The following TLR3 variants were observed in gnomAD, a reference collection of about 807,000 sequenced individuals.
TLR3 encodes the protein toll-like receptor 3.
TLR3 carries 43 observed loss-of-function variants against 66.4 expected under a neutral mutation model. The ratio of observed to expected loss-of-function variants is 0.65; its 90% CI spans 0.51 to 0.83. The LOEUF (loss-of-function observed/expected upper bound fraction) is 0.83. TLR3 is among the 40% of genes least tolerant of loss of function. The pLI, the probability that TLR3 is intolerant of heterozygous loss-of-function variation, is 0.00. For synonymous variants in TLR3, 397 were observed against 397.2 expected, an observed-to-expected ratio of 1.00 and a Z score of 0.01; for missense variants, 982 against 1,044.6, an observed-to-expected ratio of 0.94 and a Z score of 0.83.
chr4:186,081,235 C>A (rs982140709), intron 3 of TLR3, among the ~76,000 whole-genome samples: 2 of 150,428 alleles, frequency 1.3e-5, no homozygotes, highest in Non-Finnish European at 3.0e-5. Flanking sequence ...CACCACTGCA[C>A]TCCACCCTGG....
chr4:186,076,579 G>A (rs771853098), intron 1 of TLR3, 34 bp from the exon 2 acceptor site: 1 of 1,601,612 alleles, frequency 6.2e-7, no homozygotes, highest in East Asian at 2.2e-5. Context: ...TGCTATTAAT[G>A]TTGCTCATAC....
chr4:186,071,789 C>G (rs2099301513), intron 1 of TLR3, among the ~76,000 whole-genome samples: 1 of 152,062 alleles, frequency 6.6e-6, no homozygotes, highest in Non-Finnish European at 1.5e-5. Context: ...TTCTGTTTTC[C>G]TAGGATTAGT....
chr4:186,069,482 A>G (rs1262178602), intron 1 of TLR3, among the ~76,000 whole-genome samples: 3 of 152,214 alleles, frequency 2.0e-5, no homozygotes, highest in Non-Finnish European at 4.4e-5. Flanking sequence ...AGTTAATGTG[A>G]TAATGTATTT....
intron 3 of TLR3, among the ~76,000 whole-genome samples, chr4:186,079,914 A>G (rs59725961): frequency 0.075 from 11,478 of 152,248 alleles, 1,015 homozygotes; most frequent in African/African-American, 0.21. Context: ...TTTGAGCTGC[A>G]CTGACAGCGC....
chr4:186,070,369 TATTTTATTTC>T (rs201954120), intron 1 of TLR3, among the ~76,000 whole-genome samples: 2,824 of 152,308 alleles, frequency 0.019, 50 homozygotes, highest in South Asian at 0.073. Context: ...TATTTTATTT[TATTTTATTTC>T]ATTTTATTTC....
At chr4:186,072,809 G>A (rs866274187) in intron 1 of TLR3, among the ~76,000 whole-genome samples, 1 of 152,088 alleles carries the variant, frequency 6.6e-6, no homozygotes, top group South Asian at 2.1e-4. Context: ...AAACCATATC[G>A]GCTATGTATT....
Position 186,083,779 on chromosome 4 carries a change from A to G in TLR3, c.2093A>G (p.Asp698Gly). ...VRLFDTSSCKDSAPFELFFMI... is the reference protein window; with the variant it reads ...VRLFDTSSCKGSAPFELFFMI... Reference sequence around the variant, plus strand: ...CTTTTTGATACATCATCTTGCAAAGACAGTGCCCCCTTTGAACTCTTTTTC... The same window carrying G: ...CTTTTTGATACATCATCTTGCAAAGGCAGTGCCCCCTTTGAACTCTTTTTC... Residue 698 changes from aspartate to glycine, a missense_variant, in exon 4 of 5, where the codon GAC becomes GGC. Asp to Gly is a moderately conservative substitution (Grantham distance 94). This residue lies in a region of TLR3 where 666 missense variants were observed against 709.0 expected (regional missense o/e 0.94). Coordinates refer to ENST00000296795, the MANE Select transcript of TLR3 (RefSeq NM_003265.3). This position sits in a 1 kb window ranked among gnomAD's most constrained non-coding sequence, Gnocchi z 4.0. 1 of 1,614,060 alleles carries G rather than the reference A, an allele frequency of 6.2e-7. No homozygotes were observed. The highest frequency in any genetic ancestry group is 8.5e-7 in the Non-Finnish European group (1 of 1,180,006).
intron 1 of TLR3, among the ~76,000 whole-genome samples, chr4:186,069,942 A>G (rs1029730874): frequency 6.6e-6 from 1 of 152,226 alleles, no homozygotes; most frequent in African/African-American, 2.4e-5. Flanking sequence ...GTGCCTGTGT[A>G]TGAACCTACT....
Position 186,086,183 on chromosome 4 carries a change from T to C in TLR3, c.*1310T>C, listed in dbSNP as rs2099304331. 1 of 152,216 alleles carries C rather than the reference T, an allele frequency of 6.6e-6. No individual in the cohort carries two copies. The highest frequency in any genetic ancestry group is 1.5e-5 in the Non-Finnish European group (1 of 68,040). 9.4% of individuals were successfully genotyped at this position (152,216 alleles called of 1,614,324 possible). A position where few individuals can be genotyped will look rare whatever the true frequency, so the allele number is the denominator to read the frequency against. ...CCCGCCTTTTTATTTTGTTTTACAA[T>C]ACAACAAAAAATTTTTAGTTTTACA... On this transcript the variant is annotated 3_prime_UTR_variant, in exon 5 of 5. Coordinates refer to ENST00000296795, the MANE Select transcript of TLR3 (RefSeq NM_003265.3).
chr4:186,077,567 C>G (rs983101271), intron 2 of TLR3, among the ~76,000 whole-genome samples: 1 of 152,024 alleles, frequency 6.6e-6, no homozygotes, highest in Non-Finnish European at 1.5e-5. Context: ...ATTCCTTTTT[C>G]TTTTCAAAAC....
Position 186,076,748 on chromosome 4 carries a change from T to C in TLR3, c.129T>C (p.Thr43=). ...CTGACTGCAGCCACCTGAAGTTGAC[T>C]CAGGTACCCGATGATCTACCCACAA... ...EVADCSHLKL[T]QVPDDLPTNI... The change falls in exon 2 of 5, where the codon ACT becomes ACC. Residue 43 remains threonine (T), a synonymous_variant. Coordinates refer to ENST00000296795, the MANE Select transcript of TLR3 (RefSeq NM_003265.3). 6.2e-7 allele frequency: 1 copy of C among 1,614,064 alleles called. No homozygotes were observed. The highest frequency in any genetic ancestry group is 8.5e-7 in the Non-Finnish European group (1 of 1,180,008).
intron 1 of TLR3, among the ~76,000 whole-genome samples, 187 bp downstream of exon 1, chr4:186,069,435 G>T (rs970958273): frequency 6.6e-6 from 1 of 151,998 alleles, no homozygotes; most frequent in East Asian, 1.9e-4. Flanking sequence ...ATGGGAGAAG[G>T]GTATAACTCA....
At position 186,083,539 on chromosome 4, in the gene TLR3, A is replaced by G; in HGVS notation, c.1853A>G (p.Gln618Arg). The change falls in exon 4 of 5, where the codon CAG becomes CGG. Residue 618 changes from glutamine (Q) to arginine (R), a missense_variant. This residue lies in a region of TLR3 where 666 missense variants were observed against 709.0 expected (regional missense o/e 0.94). Transcript: ENST00000296795. The surrounding 1 kb of genome is among the most constrained non-coding windows in gnomAD (Gnocchi z 4.0). ...NQVSLKSLNL[Q>R]KNLITSVEKK... is the part of the protein sequence containing the mutation. ...GTGTCTCTAAAGTCATTGAACCTTC[A>G]GAAGAATCTCATAACATCCGTTGAG... The G allele has an allele frequency of 1.2e-6, 2 of 1,612,232 alleles. No homozygotes were observed. Among genetic ancestry groups the G allele is most frequent in the South Asian group, 1.1e-5 (1 of 90,502 alleles).
At chr4:186,079,931 T>G (rs2099303144) in intron 3 of TLR3, among the ~76,000 whole-genome samples, 1 of 152,222 alleles carries the variant, frequency 6.6e-6, no homozygotes, top group Non-Finnish European at 1.5e-5. Flanking sequence ...GCGCCCAGGT[T>G]GCAGTGGGCT....
Position 186,082,642 on chromosome 4 carries a change from A to C in TLR3, c.956A>C (p.His319Pro). ...CAGCATTTGTTTTCTCACTCTTTGCACGGGCTTTTCAATGTGAGGTACCTG... is the reference window on the plus strand; with the variant it reads ...CAGCATTTGTTTTCTCACTCTTTGCCCGGGCTTTTCAATGTGAGGTACCTG... ...NIQHLFSHSLHGLFNVRYLNL... is the reference protein window; with the variant it reads ...NIQHLFSHSLPGLFNVRYLNL... The change falls in exon 4 of 5, where the codon CAC becomes CCC. Residue 319 changes from histidine to proline, a missense_variant. By Grantham distance (77) the His-to-Pro change is moderately conservative. Around this residue, in one of 3 missense-constraint regions of TLR3, gnomAD observed 666 missense variants for 709.0 expected, o/e 0.94. Transcript: ENST00000296795. 6.2e-7 allele frequency: 1 copy of C among 1,614,010 alleles called. No individual in the cohort carries two copies. Among genetic ancestry groups the C allele is most frequent in the Non-Finnish European group, 8.5e-7 (1 of 1,179,938 alleles).
chr4:186,084,221 A>AT, intron 4 of TLR3, 49 bp downstream of exon 4: 4 of 1,481,320 alleles, frequency 2.7e-6, no homozygotes, highest in Admixed American at 1.9e-5. Context: ...TTTCAATTAA[A>AT]TTTCTTTTTT....
rs761227356 is a variant in TLR3, at chr4:186,084,048, C to T, written c.2362C>T (p.Leu788=). 2.5e-6 allele frequency: 4 copies of T among 1,613,986 alleles called. No homozygotes were observed. The highest frequency in any genetic ancestry group is 3.4e-6 in the Non-Finnish European group (4 of 1,180,036). The change falls in exon 4 of 5, where the codon CTG becomes TTG. Residue 788 remains leucine, a synonymous_variant. Transcript: ENST00000296795. ...GGAAGACCAATCTCTCAAATTTTGT[C>T]TGGAAGAAAGGGACTTTGAGGCGGG... ...EKEDQSLKFC[L]EERDFEAGVF... is the part of the protein sequence containing the mutation.
chr4:186,083,768 A>T lies in TLR3; in HGVS notation c.2082A>T (p.Ser694=). ...TCCCAGTGAGACTTTTTGATACATC[A>T]TCTTGCAAAGACAGTGCCCCCTTTG... ...HGFPVRLFDT[S]SCKDSAPFEL... Residue 694 remains serine, a synonymous_variant, in exon 4 of 5, where the codon TCA becomes TCT. Transcript: ENST00000296795. This position sits in a 1 kb window ranked among gnomAD's most constrained non-coding sequence, Gnocchi z 4.0. The T allele has an allele frequency of 2.5e-6, 4 of 1,613,962 alleles. No homozygotes were observed. Among genetic ancestry groups the T allele is most frequent in the Non-Finnish European group, 3.4e-6 (4 of 1,179,978 alleles).
At chr4:186,074,215 G>A (rs1157286520) in intron 1 of TLR3, among the ~76,000 whole-genome samples, 2 of 152,180 alleles carry the variant, frequency 1.3e-5, no homozygotes, top group African/African-American at 4.8e-5. Context: ...ACTTAATCAT[G>A]GGGATATGTT....
Sources: allele counts gnomAD v4.1 joint callset (sites outside exome capture counted in the v4.1 genomes callset), GRCh38; gene constraint gnomAD v4.1.1; regional missense constraint gnomAD v4.1.1; non-coding constraint Gnocchi (gnomAD v3.1); transcripts MANE v1.5; gene names NCBI Gene and HGNC (gene_info 2026-07-23, HGNC 2026-07-21).